The following ABI1 variants were observed in gnomAD, a reference collection of about 807,000 sequenced individuals.
ABI1 encodes abl interactor 1.
A neutral mutation model predicts 54.6 loss-of-function variants in ABI1; 14 were observed. The observed-to-expected ratio is 0.26, with a 90% CI of 0.17 to 0.40. ABI1 has a LOEUF of 0.40. Ranked by LOEUF, ABI1 falls within the 10% of genes least tolerant of loss-of-function variation. The probability of loss-of-function intolerance (pLI) is 1.00; values close to 1 mark genes in which losing one functional copy is unlikely to be tolerated. For synonymous variants in ABI1, 194 were observed against 209.3 expected (o/e 0.93, Z 0.63); for missense variants, 443 against 598.3 (o/e 0.74, Z 2.71).
chr10:26,839,355 G>A (rs551843405), intron 1 of ABI1, among the ~76,000 whole-genome samples: 1 of 152,032 alleles, frequency 6.6e-6, no homozygotes, highest in Non-Finnish European at 1.5e-5. Flanking sequence ...AATTAGCCAG[G>A]CATGGTGGCA....
chr10:26,860,008 A>AG lies in ABI1; in HGVS notation c.117+738_117+739insC. ...GATGAGAGGGGGAAAAAAATAAAAA[A>AG]AACCCGACTTGAAAATGGACAAGCA... On this transcript the variant is annotated intron_variant, in intron 1 of 10. Transcript: ENST00000376140. The surrounding 1 kb of genome is among the most constrained non-coding windows in gnomAD (Gnocchi z 4.1). Among the ~76,000 whole-genome samples, 1 of 152,194 alleles carries AG rather than the reference A, an allele frequency of 6.6e-6. No homozygotes were observed. Among genetic ancestry groups the AG allele is most frequent in the East Asian group, 1.9e-4 (1 of 5,172 alleles).
At position 26,746,797 on chromosome 10, in the gene ABI1, AATGGTTTGTCT is replaced by A. The variant is rs1416830233; in HGVS notation, c.*1762_*1772del. 15 of 404,186 alleles carry A rather than the reference AATGGTTTGTCT, an allele frequency of 3.7e-5. No homozygotes were observed. The highest frequency in any genetic ancestry group is 3.0e-4 in the African/African-American group (15 of 49,840). 25.0% of individuals were successfully genotyped at this position (404,186 alleles called of 1,614,324 possible). A position where few individuals can be genotyped will look rare whatever the true frequency, so the allele number is the denominator to read the frequency against. ...AATAAATAACCAATGTTAAAATTCA[AATGGTTTGTCT>A]TGATTTACCGTAGGAGTAAAGGTCA... On this transcript the variant is annotated 3_prime_UTR_variant, in exon 11 of 11. Transcript: ENST00000376140.
At chr10:26,780,114 T>A (rs1291494125) in intron 2 of ABI1, among the ~76,000 whole-genome samples, 1 of 152,114 alleles carries the variant, frequency 6.6e-6, no homozygotes, top group African/African-American at 2.4e-5. Context: ...ATTGTGCAGA[T>A]CAAGCCCGTC....
rs146320285 is a variant in ABI1 at position 26,797,294 on chromosome 10, T to C, written c.286-20053A>G. ...CTTTGTGTATCAATTTCTTCATCTG[T>C]AAAATGAGGTTGTTATAAGAATGAA... On this transcript the variant is annotated intron_variant, in intron 2 of 10. Coordinates refer to ENST00000376140, the MANE Select transcript of ABI1 (RefSeq NM_001012750.3). Among the ~76,000 whole-genome samples the C allele has an allele frequency of 3.2e-4, 48 of 152,336 alleles. 2 individuals are homozygous for C. The highest frequency in any genetic ancestry group is 3.4e-3 in the Middle Eastern group (1 of 294).
chr10:26,825,218 ACTT>A (rs1168476302), intron 1 of ABI1, among the ~76,000 whole-genome samples: 3 of 152,186 alleles, frequency 2.0e-5, no homozygotes, highest in Admixed American at 1.3e-4. Context: ...CCTCAGTAGA[ACTT>A]CTTTCAAAAC....
chr10:26,832,329 TC>T (rs1463330004), intron 1 of ABI1, among the ~76,000 whole-genome samples: 1 of 152,106 alleles, frequency 6.6e-6, no homozygotes, highest in African/African-American at 2.4e-5. Flanking sequence ...ACTCCTGTAA[TC>T]CCAGCACTTT....
intron 2 of ABI1, among the ~76,000 whole-genome samples, chr10:26,815,263 T>C (rs1179262139): frequency 3.3e-5 from 5 of 151,962 alleles, no homozygotes; most frequent in Non-Finnish European, 5.9e-5. Flanking sequence ...CATTTAAGAG[T>C]TCCAAGTAAT....
chr10:26,838,611 A>G (rs1340682235), intron 1 of ABI1, among the ~76,000 whole-genome samples: 1 of 152,188 alleles, frequency 6.6e-6, no homozygotes, highest in Non-Finnish European at 1.5e-5. Context: ...TTAGGAAGAA[A>G]AAATATGACT....
chr10:26,784,773 G>A (rs998187269), intron 2 of ABI1, among the ~76,000 whole-genome samples: 1 of 152,162 alleles, frequency 6.6e-6, no homozygotes, highest in Non-Finnish European at 1.5e-5. Context: ...AGCAATCAAT[G>A]ACATCACCTT....
rs1837108837 is a variant in ABI1 at position 26,747,836 on chromosome 10, T to A, written c.*734A>T. Reference sequence around the variant, plus strand: ...TTCTGCAATAAATCATTATCTTTTATTTTTTTTAAAGCAAATCAGTGAAGG... The same window carrying A: ...TTCTGCAATAAATCATTATCTTTTAATTTTTTTAAAGCAAATCAGTGAAGG... On this transcript the variant is annotated 3_prime_UTR_variant, in exon 11 of 11. Coordinates refer to ENST00000376140, the MANE Select transcript of ABI1 (RefSeq NM_001012750.3). 5.3e-6 allele frequency: 1 copy of A among 190,408 alleles called. No homozygotes were observed. Among genetic ancestry groups the A allele is most frequent in the African/African-American group, 2.3e-5 (1 of 42,844 alleles). The allele number at this position is 190,408 out of a possible 1,614,324, so 11.8% of individuals were successfully genotyped here. A position where few individuals can be genotyped will look rare whatever the true frequency, so the allele number is the denominator to read the frequency against.
At chr10:26,837,214 G>C (rs568420273) in intron 1 of ABI1, among the ~76,000 whole-genome samples, 1 of 152,318 alleles carries the variant, frequency 6.6e-6, no homozygotes, top group African/African-American at 2.4e-5. Flanking sequence ...TGAAGGCCAG[G>C]AAGTCCACAA....
chr10:26,786,573 A>T (rs1036194893), intron 2 of ABI1, among the ~76,000 whole-genome samples: 2 of 152,162 alleles, frequency 1.3e-5, no homozygotes, highest in Non-Finnish European at 2.9e-5. Flanking sequence ...GCACTAGTAC[A>T]AATTTTAGCT....
chr10:26,773,215 C>CTTTTGTTTTTTTTTTTTTTTTTTTTT, intron 3 of ABI1, among the ~76,000 whole-genome samples: 1 of 92,528 alleles, frequency 1.1e-5, no homozygotes, highest in Non-Finnish European at 2.1e-5. Flanking sequence ...AATGCTAATT[C>CTTTTGTTTTTTTTTTTTTTTTTTTTT]TTTTTTTTTT....
At chr10:26,822,820 T>A (rs1336017469) in intron 2 of ABI1, among the ~76,000 whole-genome samples, 1 of 152,186 alleles carries the variant, frequency 6.6e-6, no homozygotes, top group African/African-American at 2.4e-5. Context: ...AAAAATTCTG[T>A]TCTTTATGTA....
intron 2 of ABI1, among the ~76,000 whole-genome samples, chr10:26,783,392 T>C (rs1053394678): frequency 2.6e-5 from 4 of 152,222 alleles, no homozygotes; most frequent in African/African-American, 7.2e-5. Flanking sequence ...ACATTGTAAC[T>C]ATACTTAACA....
At position 26,755,681 on chromosome 10, in the gene ABI1, C is replaced by A. The variant is rs1172769563; in HGVS notation, c.1058G>T (p.Gly353Val). ...GTTTTCCTGCACCCTGGCCACGAAG[C>A]CTGTGAGAGGTATCTGTGGAGTCAA... Reference protein sequence around the residue: ...PQLTPQIPLTGFVARVQENIA... With the variant: ...PQLTPQIPLTVFVARVQENIA... The change falls in exon 9 of 11, where the codon GGC becomes GTC. Residue 353 changes from glycine to valine, a missense_variant. Physicochemically the swap from Gly to Val is moderately radical, Grantham distance 109 (BLOSUM62 -3). Coordinates refer to ENST00000376140, the MANE Select transcript of ABI1 (RefSeq NM_001012750.3). 6.2e-7 allele frequency: 1 copy of A among 1,613,382 alleles called. No individual in the cohort carries two copies. Among genetic ancestry groups the A allele is most frequent in the Admixed American group, 1.7e-5 (1 of 59,960 alleles).
intron 9 of ABI1, among the ~76,000 whole-genome samples, chr10:26,755,178 T>C (rs1838145320): frequency 6.6e-6 from 1 of 152,184 alleles, no homozygotes; most frequent in African/African-American, 2.4e-5. Flanking sequence ...ATCATGTATG[T>C]ACAAAAATCT....
intron 2 of ABI1, among the ~76,000 whole-genome samples, chr10:26,814,396 C>A (rs1454095670): frequency 6.6e-6 from 1 of 152,180 alleles, no homozygotes; most frequent in Non-Finnish European, 1.5e-5. Context: ...CCAGTTCTAA[C>A]TTCCATGATG....
chr10:26,823,750 G>T (rs781269616), intron 1 of ABI1, among the ~76,000 whole-genome samples: 1 of 152,136 alleles, frequency 6.6e-6, no homozygotes, highest in Non-Finnish European at 1.5e-5. Context: ...TATCTATGAT[G>T]ATTCAAGCCT....
Sources: allele counts gnomAD v4.1 joint callset (sites outside exome capture counted in the v4.1 genomes callset), GRCh38; gene constraint gnomAD v4.1.1; non-coding constraint Gnocchi (gnomAD v3.1); transcripts MANE v1.5; gene names NCBI Gene and HGNC (gene_info 2026-07-23, HGNC 2026-07-21).